Variants in NHS observed in about 807,000 individuals in gnomAD.
The protein encoded by NHS is NHS actin remodeling regulator.
Under a neutral mutation model 72.5 loss-of-function variants are expected in NHS, and 5 were observed. That is an observed-to-expected ratio of 0.07 (90% CI 0.04 to 0.14). The LOEUF is 0.14. Ranked by LOEUF, NHS falls within the 10% of genes least tolerant of loss-of-function variation. NHS has a pLI of 1.00. For missense variants in NHS, 1,072 were observed against 1,355.7 expected (o/e 0.79, Z 3.29); for synonymous variants, 464 against 547.7 (o/e 0.85, Z 2.13).
chrX:17,668,209 T>C (rs1294471294), intron 1 of NHS, among the ~76,000 whole-genome samples: 3 of 110,671 alleles, frequency 2.7e-5, no homozygotes, highest in Non-Finnish European at 5.7e-5. Context: ...TGTAGTGAGC[T>C]ATGATCACGT....
rs768912921 is a variant in NHS at position 17,680,657 on chromosome X, C to T, written c.566-7085C>T. On this transcript the variant is annotated intron_variant, in intron 1 of 8. Transcript: ENST00000676302. ...ATTATACTTTAAGTTCTGGGGTACA[C>T]GTGCAGAACGTGCAGTTTTAAAATG... Among the ~76,000 whole-genome samples the T allele has an allele frequency of 2.0e-3, 218 of 111,695 alleles. 1 individual carries two copies. The highest frequency in any genetic ancestry group is 9.3e-3 in the Middle Eastern group (2 of 216).
intron 1 of NHS, among the ~76,000 whole-genome samples, chrX:17,429,255 T>C (rs1180256657): frequency 1.0e-4 from 11 of 108,146 alleles, no homozygotes; most frequent in Non-Finnish European, 1.3e-4. Context: ...TGTGTGTGTG[T>C]GTGCACACGT....
intron 1 of NHS, among the ~76,000 whole-genome samples, chrX:17,643,596 C>G (rs773078517): frequency 1.6e-3 from 175 of 111,820 alleles, no homozygotes; most frequent in Non-Finnish European, 2.5e-3. Flanking sequence ...GGGACAGAGC[C>G]AATAGTGTCC....
intron 1 of NHS, among the ~76,000 whole-genome samples, chrX:17,473,151 T>A (rs1159443793): frequency 9.0e-6 from 1 of 111,726 alleles, no homozygotes; most frequent in African/African-American, 3.3e-5. Flanking sequence ...CCCAACTTAG[T>A]AAGTGGTGGG....
At chrX:17,491,124 T>G (rs2064989105) in intron 1 of NHS, among the ~76,000 whole-genome samples, 1 of 111,882 alleles carries the variant, frequency 8.9e-6, no homozygotes, top group Non-Finnish European at 1.9e-5. Flanking sequence ...TATTGCTTTC[T>G]TGTGCCTGAT....
chrX:17,559,874 C>T (rs1461253060), intron 1 of NHS, among the ~76,000 whole-genome samples: 2 of 111,608 alleles, frequency 1.8e-5, no homozygotes, highest in Non-Finnish European at 3.8e-5. Context: ...TCCAGTTACT[C>T]GCTAACTCTC....
chrX:17,561,574 G>GCGCGCGCACACA (rs879101977), intron 1 of NHS, among the ~76,000 whole-genome samples: 1 of 65,387 alleles, frequency 1.5e-5, no homozygotes, highest in East Asian at 5.8e-4. Context: ...GCGCGCGCGC[G>GCGCGCGCACACA]CACACACACA....
At chrX:17,425,884 C>G (rs1365193662) in intron 1 of NHS, 1 of 113,023 alleles carries the variant, frequency 8.8e-6, no homozygotes, top group African/African-American at 3.2e-5. Flanking sequence ...CTTCTCCAAA[C>G]TTTGATTCTC....
At chrX:17,438,792 C>T (rs1021370513) in intron 1 of NHS, among the ~76,000 whole-genome samples, 3 of 111,219 alleles carry the variant, frequency 2.7e-5, no homozygotes, top group Non-Finnish European at 5.7e-5. Flanking sequence ...GCCAAACTAA[C>T]GAAATTTAAT....
intron 3 of NHS, among the ~76,000 whole-genome samples, chrX:17,711,071 CT>C (rs1160187987): frequency 1.8e-5 from 2 of 112,374 alleles, no homozygotes; most frequent in African/African-American, 6.5e-5. Context: ...GGTATTTGCA[CT>C]GTTTGTAGCA....
rs192262066 is a variant in NHS at position 17,385,195 on chromosome X, T to C, written c.565+8873T>C. The stretch of plus-strand genomic sequence containing the variant: ...TTTCTGACATCTCTCAATCCATTAA[T>C]GTACATGAGGTTTGGCTGTATTGAA... On this transcript the variant is annotated intron_variant, in intron 1 of 8. Transcript: ENST00000676302. Among the ~76,000 whole-genome samples, 690 of 112,211 alleles carry C rather than the reference T, an allele frequency of 6.1e-3. 4 individuals are homozygous for C. The highest frequency in any genetic ancestry group is 9.2e-3 in the Non-Finnish European group (488 of 53,284).
intron 1 of NHS, among the ~76,000 whole-genome samples, chrX:17,657,550 C>T (rs1387209156): frequency 1.8e-5 from 2 of 112,421 alleles, no homozygotes; most frequent in East Asian, 5.6e-4. Flanking sequence ...CAGGTCCACA[C>T]ATCCTTCAGA....
At chrX:17,438,518 G>A (rs910465309) in intron 1 of NHS, among the ~76,000 whole-genome samples, 1 of 111,321 alleles carries the variant, frequency 9.0e-6, no homozygotes. Context: ...AGTGGTTCTC[G>A]GCCCAGCATT....
chrX:17,547,353 C>G (rs1428513463), intron 1 of NHS, among the ~76,000 whole-genome samples: 1 of 112,062 alleles, frequency 8.9e-6, no homozygotes, highest in Non-Finnish European at 1.9e-5. Context: ...CTGGATACCC[C>G]CTTTTTTCGT....
chrX:17,419,155 C>T (rs2064610898), intron 1 of NHS, among the ~76,000 whole-genome samples: 1 of 112,488 alleles, frequency 8.9e-6, no homozygotes, highest in Non-Finnish European at 1.9e-5. Flanking sequence ...ACAGAATTTT[C>T]CCTTTTTGGT....
At chrX:17,449,956 A>G (rs1204423834) in intron 1 of NHS, among the ~76,000 whole-genome samples, 1 of 111,939 alleles carries the variant, frequency 8.9e-6, no homozygotes, top group Non-Finnish European at 1.9e-5. Flanking sequence ...CCAAGTTCTG[A>G]AAGATTTACA....
chrX:17,434,525 G>A (rs1400786493), intron 1 of NHS, among the ~76,000 whole-genome samples: 1 of 101,955 alleles, frequency 9.8e-6, no homozygotes, highest in Non-Finnish European at 2.0e-5. Context: ...TTCACTGCAA[G>A]CTCCGCCTCC....
chrX:17,411,569 T>C (rs1454165914), intron 1 of NHS, among the ~76,000 whole-genome samples: 1 of 111,996 alleles, frequency 8.9e-6, no homozygotes, highest in Non-Finnish European at 1.9e-5. Flanking sequence ...GCTCAATCCT[T>C]AGCCTCAAAC....
chrX:17,556,580 G>C (rs1050971446), intron 1 of NHS, among the ~76,000 whole-genome samples: 9 of 112,949 alleles, frequency 8.0e-5, no homozygotes, highest in Non-Finnish European at 1.7e-4. Context: ...GTAGTTACTA[G>C]CATCATCTCC....
Sources: allele counts gnomAD v4.1 joint callset (sites outside exome capture counted in the v4.1 genomes callset), GRCh38; gene constraint gnomAD v4.1.1; transcripts MANE v1.5; gene names NCBI Gene and HGNC (gene_info 2026-07-23, HGNC 2026-07-21).